The following EZR variants were observed in gnomAD, a reference collection of about 807,000 sequenced individuals.
EZR encodes the protein cytovillin 2.
Under a neutral mutation model 74.8 loss-of-function variants are expected in EZR, and 40 were observed. That is an observed-to-expected ratio of 0.53 (90% CI 0.42 to 0.70). The LOEUF is 0.70. Ranked by LOEUF, EZR falls within the 30% of genes least tolerant of loss-of-function variation. The probability of loss-of-function intolerance (pLI) is 0.00; values close to 1 mark genes in which losing one functional copy is unlikely to be tolerated. For synonymous variants in EZR, 341 were observed against 283.3 expected (o/e 1.20, Z -2.05); for missense variants, 678 against 755.8 (o/e 0.90, Z 1.21).
In EZR at chr6:158,785,372, C is replaced by T; in HGVS notation, c.404G>A (p.Gly135Glu). 1 of 1,614,190 alleles carries T rather than the reference C, an allele frequency of 6.2e-7. No individual in the cohort carries two copies. Among genetic ancestry groups the T allele is most frequent in the Non-Finnish European group, 8.5e-7 (1 of 1,180,034 alleles). The change falls in exon 5 of 14, where the codon GGG becomes GAG. Residue 135 changes from glycine (G) to glutamate (E), a missense_variant. Gly to Glu is a moderately conservative substitution (Grantham distance 98). Transcript: ENST00000367075. The part of the protein sequence containing the change: ...LGSYAVQAKF[G>E]DYNKEVHKSG... ...CTTGTGCACTTCTTTGTTGTAGTCC[C>T]CAAACTTGGCCTGCACAGCGTAGGA...
chr6:158,775,186 C>G (rs1266311804), intron 8 of EZR, among the ~76,000 whole-genome samples: 1 of 151,972 alleles, frequency 6.6e-6, no homozygotes, highest in Non-Finnish European at 1.5e-5. Context: ...GCGCCCACCA[C>G]CACGCCCAGA....
intron 8 of EZR, among the ~76,000 whole-genome samples, chr6:158,773,822 CT>C (rs1791190196): frequency 6.6e-6 from 1 of 152,250 alleles, no homozygotes; most frequent in Admixed American, 6.5e-5. Flanking sequence ...AGCCTTCTGC[CT>C]TTTCCACAAG....
chr6:158,768,844 A>C (rs1487408296), intron 12 of EZR, among the ~76,000 whole-genome samples: 1 of 152,198 alleles, frequency 6.6e-6, no homozygotes, highest in Non-Finnish European at 1.5e-5. Context: ...ATAGCTGATG[A>C]GCAGCAGAGC....
Position 158,767,491 on chromosome 6 carries a change from G to A in EZR, c.1366C>T (p.Leu456=). Residue 456 remains leucine, a synonymous_variant, in exon 13 of 14, where the codon CTG becomes TTG. Transcript: ENST00000367075. Reference sequence around the variant, plus strand: ...TGCAGCTCCTCCTTGGTCTTCACCAGGTCATCCTGGGCTTCTTTGGCCTTT... The same window carrying A: ...TGCAGCTCCTCCTTGGTCTTCACCAAGTCATCCTGGGCTTCTTTGGCCTTT... ...QHRAKEAQDD[L]VKTKEELHLV... The A allele has an allele frequency of 5.6e-6, 9 of 1,596,626 alleles. No individual in the cohort carries two copies. The highest frequency in any genetic ancestry group is 7.7e-6 in the Non-Finnish European group (9 of 1,169,936).
chr6:158,793,469 G>A (rs1362766679), intron 2 of EZR, among the ~76,000 whole-genome samples: 1 of 152,192 alleles, frequency 6.6e-6, no homozygotes, highest in East Asian at 1.9e-4. Flanking sequence ...AGATTGAAGA[G>A]AAGATACTCA....
At chr6:158,808,693 G>C (rs955970328) in intron 2 of EZR, among the ~76,000 whole-genome samples, 1 of 152,196 alleles carries the variant, frequency 6.6e-6, no homozygotes. Flanking sequence ...AGGAGGCAGA[G>C]GGAGGTGAAA....
rs1419649050 is a variant in EZR, at chr6:158,766,294, TA to T, written c.*619del. On this transcript the variant is annotated 3_prime_UTR_variant, in exon 14 of 14. Transcript: ENST00000367075. ...TAAGTACAATGTATTCTAAAACTGT[TA>T]AGCAAAAAAAAAAAAAACAAAAAAA... 1 of 123,750 alleles carries T rather than the reference TA, an allele frequency of 8.1e-6. No individual in the cohort carries two copies. Among genetic ancestry groups the T allele is most frequent in the African/African-American group, 3.1e-5 (1 of 32,488 alleles). 7.7% of individuals were successfully genotyped at this position (123,750 alleles called of 1,614,324 possible). A position where few individuals can be genotyped will look rare whatever the true frequency, so the allele number is the denominator to read the frequency against.
chr6:158,774,415 GTTGCCTTTT>G (rs1791207243), intron 8 of EZR, among the ~76,000 whole-genome samples: 1 of 152,080 alleles, frequency 6.6e-6, no homozygotes, highest in Admixed American at 6.6e-5. Flanking sequence ...AAGCATCTCA[GTTGCCTTTT>G]TAACCCTTTC....
At chr6:158,782,179 C>T (rs1212196743) in intron 7 of EZR, among the ~76,000 whole-genome samples, 1 of 152,144 alleles carries the variant, frequency 6.6e-6, no homozygotes, top group East Asian at 1.9e-4. Flanking sequence ...TGCCTCCCTC[C>T]CTGTGCAGTA....
chr6:158,792,330 G>T lies in EZR; in HGVS notation c.13-2959C>A, dbSNP rs112876413. On this transcript the variant is annotated intron_variant, in intron 2 of 13. Transcript: ENST00000367075. ...GGGTTCAAACGATTCTCCTGCCTCG[G>T]CCTCCCAAGCAGCTGGGATTACAGA... 5.3e-3 allele frequency among the ~76,000 whole-genome samples: 804 copies of T among 151,952 alleles called. 5 individuals carry two copies. Among genetic ancestry groups the T allele is most frequent in the African/African-American group, 0.018 (762 of 41,460 alleles).
rs767690814 is a variant in EZR, at chr6:158,784,704, G to A, written c.491C>T (p.Thr164Ile). The part of the protein sequence containing the change: ...PQRVMDQHKL[T>I]RDQWEDRIQV... Reference sequence around the variant, plus strand: ...GATCCGGTCCTCCCACTGGTCCCTGGTAAGTTTGTGCTGGTCCATCACTCT... The same window carrying A: ...GATCCGGTCCTCCCACTGGTCCCTGATAAGTTTGTGCTGGTCCATCACTCT... The change falls in exon 6 of 14, where the codon ACC becomes ATC. Residue 164 changes from threonine (T) to isoleucine (I), a missense_variant. Thr to Ile is a moderately conservative substitution (Grantham distance 89, BLOSUM62 -1). Around this residue, in one of 3 missense-constraint regions of EZR, gnomAD observed 217 missense variants for 232.2 expected, o/e 0.93. Transcript: ENST00000367075. 6.2e-7 allele frequency: 1 copy of A among 1,614,164 alleles called. No homozygotes were observed. The highest frequency in any genetic ancestry group is 8.5e-7 in the Non-Finnish European group (1 of 1,180,028).
At chr6:158,795,080 C>T (rs147468300) in intron 2 of EZR, among the ~76,000 whole-genome samples, 1 of 152,066 alleles carries the variant, frequency 6.6e-6, no homozygotes, top group East Asian at 1.9e-4. Context: ...GGTAAAACCC[C>T]ATCTCTACTA....
In EZR at chr6:158,789,507, A is replaced by C. The variant is rs771023657; in HGVS notation, c.13-136T>G. On this transcript the variant is annotated intron_variant, in intron 2 of 13. Transcript: ENST00000367075. ...ACATCAGTTCCTGTGCTAGTCAGGA[A>C]GCCACACACCACTCCTGACTGCAGA... 14 of 822,074 alleles carry C rather than the reference A, an allele frequency of 1.7e-5. No individual in the cohort carries two copies. In the African/African-American group the frequency reaches 2.2e-4, roughly 13 times the overall value. 50.9% of individuals were successfully genotyped at this position (822,074 alleles called of 1,614,324 possible).
intron 3 of EZR, 69 bp downstream of exon 3, chr6:158,789,219 A>C: frequency 8.3e-7 from 1 of 1,204,532 alleles, no homozygotes; most frequent in East Asian, 2.4e-5. Flanking sequence ...TTCGCAAACA[A>C]AATAACTGAA....
chr6:158,767,196 T>TC (rs1790909092), intron 13 of EZR, 65 bp downstream of exon 13: 22 of 1,579,432 alleles, frequency 1.4e-5, no homozygotes, highest in Middle Eastern at 1.7e-4. Context: ...ATCACTGCCC[T>TC]CCCCAAGCCT....
At chr6:158,807,671 T>G (rs1777372600) in intron 2 of EZR, among the ~76,000 whole-genome samples, 1 of 152,206 alleles carries the variant, frequency 6.6e-6, no homozygotes, top group Non-Finnish European at 1.5e-5. Flanking sequence ...AAGTTAATTC[T>G]AGCTCTTGCC....
intron 12 of EZR, 95 bp from the exon 13 acceptor site, chr6:158,767,607 C>T: frequency 7.3e-7 from 1 of 1,371,236 alleles, no homozygotes; most frequent in Non-Finnish European, 9.9e-7. Flanking sequence ...TCCTGGCAGG[C>T]TAAGGCAGCA....
At chr6:158,816,667 T>C (rs919567665) in intron 2 of EZR, among the ~76,000 whole-genome samples, 2 of 152,220 alleles carry the variant, frequency 1.3e-5, no homozygotes, top group South Asian at 4.1e-4. Flanking sequence ...CACAAATGAA[T>C]CATCTTGATG....
chr6:158,809,270 A>C (rs1478570353), intron 2 of EZR, among the ~76,000 whole-genome samples: 1 of 152,228 alleles, frequency 6.6e-6, no homozygotes, highest in African/African-American at 2.4e-5. Flanking sequence ...TGAATCAGGA[A>C]TGGACTTACA....
Sources: gnomAD v4.1 joint callset for allele counts (sites outside exome capture counted in the v4.1 genomes callset) on GRCh38, gnomAD v4.1.1 for gene constraint, gnomAD v4.1.1 regional missense constraint, MANE v1.5 for transcripts, NCBI Gene and HGNC (gene_info 2026-07-23, HGNC 2026-07-21) for gene names.